Variants in FCN2 observed in about 807,000 individuals in gnomAD.
FCN2 encodes the protein ficolin-2.
Under a neutral mutation model 32.5 loss-of-function variants are expected in FCN2, and 31 were observed. The observed-to-expected ratio is 0.96, with a 90% CI of 0.72 to 1.29. The LOEUF is 1.29. Among genes scored for constraint, FCN2 ranks in the 50% most tolerant of loss-of-function variants. The pLI is 0.00. For synonymous variants in FCN2, 181 were observed against 164.5 expected (o/e 1.10, Z -0.77); for missense variants, 412 against 406.5 (o/e 1.01, Z -0.12).
chr9:134,885,408 C>T (rs771020598), intron 5 of FCN2, 42 bp downstream of exon 5: 15 of 1,603,868 alleles, frequency 9.4e-6, no homozygotes, highest in South Asian at 4.4e-5. Flanking sequence ...CTGGGAGTCC[C>T]GGAGGCCAGG....
chr9:134,870,704 G>A, the FCN2 span, among the ~76,000 whole-genome samples: 139 of 152,248 alleles, frequency 9.1e-4, no homozygotes, highest in Middle Eastern at 3.4e-3. The surrounding 1 kb of genome is among the most constrained non-coding windows in gnomAD (Gnocchi z 4.3). Flanking sequence ...AGGGGGACAC[G>A]GAGAGCACAG....
In FCN2 at chr9:134,883,351, C is replaced by T. The variant is rs199790992; in HGVS notation, c.264C>T (p.Pro88=). 462 of 1,613,344 alleles carry T rather than the reference C, an allele frequency of 2.9e-4. No individual in the cohort carries two copies. The highest frequency in any genetic ancestry group is 3.6e-4 in the Non-Finnish European group (428 of 1,179,380). The change falls in exon 3 of 8, where the codon CCC becomes CCT. Residue 88 remains proline (P), a synonymous_variant. Transcript: ENST00000291744. The stretch of plus-strand genomic sequence containing the variant: ...CTGGGAAGGCAGGACCACCTGGGCC[C>T]AACGGTAAGGAGGGGACAAGAGTGA... ...GPPGKAGPPG[P]NGAPGEPQPC... is the part of the protein sequence containing the mutation.
chr9:134,870,434 C>T, the FCN2 span, among the ~76,000 whole-genome samples: 1 of 152,158 alleles, frequency 6.6e-6, no homozygotes, highest in Non-Finnish European at 1.5e-5. This position sits in a 1 kb window ranked among gnomAD's most constrained non-coding sequence, Gnocchi z 4.3. Context: ...TGACGCCTGC[C>T]ACTCCCTGCA....
chr9:134,882,804 A>T (rs938610541), intron 2 of FCN2, among the ~76,000 whole-genome samples, 165 bp downstream of exon 2: 2 of 152,194 alleles, frequency 1.3e-5, no homozygotes, highest in African/African-American at 4.8e-5. Context: ...TCTGACATGG[A>T]GGGAGCGTCT....
chr9:134,875,431 AC>A, the FCN2 span, among the ~76,000 whole-genome samples: 1 of 151,816 alleles, frequency 6.6e-6, no homozygotes, highest in African/African-American at 2.4e-5. Flanking sequence ...ACTGGTCCCC[AC>A]CCCCCTTGAG....
At chr9:134,887,034 T>G in intron 7 of FCN2, 134 bp from the exon 8 acceptor site, 1 of 1,031,448 alleles carries the variant, frequency 9.7e-7, no homozygotes, top group East Asian at 2.4e-5. Flanking sequence ...GGATTGCACT[T>G]CTTGGATTGT....
the FCN2 span, among the ~76,000 whole-genome samples, chr9:134,871,170 C>G: frequency 6.6e-6 from 1 of 152,226 alleles, no homozygotes; most frequent in Admixed American, 6.5e-5. Flanking sequence ...ACAATTTACT[C>G]AACGTGTGAT....
the FCN2 span, among the ~76,000 whole-genome samples, chr9:134,871,481 C>T: frequency 0.011 from 1,703 of 152,342 alleles, 34 homozygotes; most frequent in African/African-American, 0.036. Context: ...GCTGTGCCGC[C>T]GCTGCGTGCT....
chr9:134,874,932 T>A, the FCN2 span, among the ~76,000 whole-genome samples: 1 of 152,260 alleles, frequency 6.6e-6, no homozygotes, highest in Non-Finnish European at 1.5e-5. Context: ...ATTGGATTTA[T>A]CCATAAGTAT....
chr9:134,875,979 G>A (rs1311524728), upstream of FCN2, among the ~76,000 whole-genome samples: 1 of 152,176 alleles, frequency 6.6e-6, no homozygotes, highest in Non-Finnish European at 1.5e-5. Flanking sequence ...CATTTTTGGA[G>A]AGCCTTTTTC....
At chr9:134,865,032 A>T in the FCN2 span, among the ~76,000 whole-genome samples, 7 of 152,222 alleles carry the variant, frequency 4.6e-5, no homozygotes, top group Admixed American at 4.6e-4. Flanking sequence ...GCTGGCGGGC[A>T]GTGGGCCTAG....
the FCN2 span, among the ~76,000 whole-genome samples, chr9:134,867,705 C>CAGCTGT: frequency 4.2e-4 from 63 of 151,552 alleles, no homozygotes; most frequent in Non-Finnish European, 7.4e-5. Context: ...GGTTTGGCTG[C>CAGCTGT]AGCTGTGCCA....
chr9:134,877,585 T>C (rs1352925853), upstream of FCN2, among the ~76,000 whole-genome samples: 5 of 152,206 alleles, frequency 3.3e-5, no homozygotes, highest in Non-Finnish European at 7.3e-5. Context: ...ATGATCACAG[T>C]TTACCTTCCG....
chr9:134,887,067 A>G, intron 7 of FCN2, 101 bp from the exon 8 acceptor site: 1 of 1,373,652 alleles, frequency 7.3e-7, no homozygotes. Context: ...CTGCCTAACC[A>G]TACATGGAGG....
chr9:134,871,004 G>C, the FCN2 span, among the ~76,000 whole-genome samples: 1 of 152,162 alleles, frequency 6.6e-6, no homozygotes, highest in Non-Finnish European at 1.5e-5. Context: ...TTGCCAGCAC[G>C]GCCGACATGG....
rs143090112 is a variant in FCN2, at chr9:134,880,855, G to A, written c.34G>A (p.Ala12Thr). 27 of 1,613,598 alleles carry A rather than the reference G, an allele frequency of 1.7e-5. No individual in the cohort carries two copies. Among genetic ancestry groups the A allele is most frequent in the African/African-American group, 4.0e-5 (3 of 74,892 alleles). ...GGACAGAGCTGTGGGGGTCCTGGGC[G>A]CTGCCACCCTGCTGCTCTCTTTCCT... ...ELDRAVGVLGAATLLLSFLGM... is the reference protein window; with the variant it reads ...ELDRAVGVLGTATLLLSFLGM... Residue 12 changes from alanine to threonine, a missense_variant, in exon 1 of 8, where the codon GCT becomes ACT. By Grantham distance (58) the Ala-to-Thr change is moderately conservative. Coordinates refer to ENST00000291744, the MANE Select transcript of FCN2 (RefSeq NM_004108.3).
At position 134,882,581 on chromosome 9, in the gene FCN2, TCCGGGGCTGC is replaced by T; in HGVS notation, c.158_167del (p.Pro53LeufsTer44). On this transcript the variant is annotated frameshift_variant, in exon 2 of 8. Transcript: ENST00000291744. LOFTEE classifies it high-confidence loss of function. Reference sequence around the variant, plus strand: ...ACAAGCTCACCATTCTCCGAGGCTGTCCGGGGCTGCCTGGGGCCCCTGGGCCCAAGGGAGA... The same window carrying T: ...ACAAGCTCACCATTCTCCGAGGCTGTCTGGGGCCCCTGGGCCCAAGGGAGA... 6.2e-7 allele frequency: 1 copy of T among 1,614,104 alleles called. No individual in the cohort carries two copies.
chr9:134,878,706 G>T (rs1470562626), upstream of FCN2, among the ~76,000 whole-genome samples: 1 of 152,166 alleles, frequency 6.6e-6, no homozygotes, highest in South Asian at 2.1e-4. Context: ...AGCCGGACAT[G>T]GTAGTGCCTG....
At chr9:134,880,403 T>C (rs1296873745), upstream of FCN2, among the ~76,000 whole-genome samples, 1 of 152,190 alleles carries the variant, frequency 6.6e-6, no homozygotes, top group Non-Finnish European at 1.5e-5. Context: ...CAGTGGCCCA[T>C]GACCAGCCCT....
Sources: allele counts gnomAD v4.1 joint callset (sites outside exome capture counted in the v4.1 genomes callset), GRCh38; gene constraint gnomAD v4.1.1; non-coding constraint Gnocchi (gnomAD v3.1); transcripts MANE v1.5; gene names NCBI Gene and HGNC (gene_info 2026-07-23, HGNC 2026-07-21).